LINGO2: variants seen among roughly 807,000 people sequenced by gnomAD.
LINGO2 encodes the protein leucine-rich repeat and immunoglobulin-like domain-containing nogo receptor-interacting protein 2.
In LINGO2, 14 loss-of-function variants were observed where a neutral mutation model predicts 30.6. The ratio of observed to expected loss-of-function variants is 0.46; its 90% CI spans 0.30 to 0.72. The LOEUF is 0.72. Ranked by LOEUF, LINGO2 falls within the 30% of genes least tolerant of loss-of-function variation. The probability of loss-of-function intolerance (pLI) is 0.07; values close to 1 mark genes in which losing one functional copy is unlikely to be tolerated. For synonymous variants in LINGO2, 317 were observed against 288.5 expected, an observed-to-expected ratio of 1.10 and a Z score of -1.00; for missense variants, 729 against 751.7, an observed-to-expected ratio of 0.97 and a Z score of 0.35.
Position 27,962,162 on chromosome 9 carries a change from A to G in LINGO2, c.-35-11456T>C, listed in dbSNP as rs114113754. Among the ~76,000 whole-genome samples, 289 of 152,278 alleles carry G rather than the reference A, an allele frequency of 1.9e-3. 2 individuals carry two copies. The highest frequency in any genetic ancestry group is 6.6e-3 in the African/African-American group (273 of 41,564). ...ATAAAAGTTTTATGATGTACTTCAT[A>G]CTTTCCAGTTCGTTTTTGAATTGAC... On this transcript the variant is annotated intron_variant, in intron 5 of 5. Coordinates refer to ENST00000379992, the Ensembl canonical transcript of LINGO2.
chr9:29,152,235 T>C, the LINGO2 span, among the ~76,000 whole-genome samples: 5 of 152,152 alleles, frequency 3.3e-5, no homozygotes, highest in African/African-American at 1.2e-4. Flanking sequence ...GTTCAGCCAC[T>C]AAGGAAAGCC....
chr9:28,331,237 A>G (rs1825407254), intron 3 of LINGO2, among the ~76,000 whole-genome samples: 1 of 152,094 alleles, frequency 6.6e-6, no homozygotes, highest in African/African-American at 2.4e-5. Context: ...CAGTCTCATA[A>G]TTTGTGGCCA....
chr9:28,305,324 T>A (rs1564109052), intron 3 of LINGO2, among the ~76,000 whole-genome samples: 1 of 152,020 alleles, frequency 6.6e-6, no homozygotes, highest in Non-Finnish European at 1.5e-5. Flanking sequence ...GGCAAGGATG[T>A]CAGCTCCCAT....
the LINGO2 span, among the ~76,000 whole-genome samples, chr9:29,098,451 ACACACACACACACATATGCG>A: frequency 6.7e-6 from 1 of 149,358 alleles, no homozygotes; most frequent in East Asian, 2.0e-4. Context: ...TGAGGGATAC[ACACACACACACACATATGCG>A]CACACACACA....
intron 4 of LINGO2, among the ~76,000 whole-genome samples, chr9:28,201,763 C>T (rs1017998567): frequency 6.6e-6 from 1 of 151,914 alleles, no homozygotes; most frequent in African/African-American, 2.4e-5. Context: ...TCCTTTCCCC[C>T]CACATCCTTT....
chr9:28,801,728 AC>A, the LINGO2 span, among the ~76,000 whole-genome samples: 2 of 152,090 alleles, frequency 1.3e-5, no homozygotes, highest in South Asian at 4.1e-4. Flanking sequence ...GAATAAAAAA[AC>A]TGTGATACAC....
At chr9:28,800,968 A>G in the LINGO2 span, among the ~76,000 whole-genome samples, 1 of 152,106 alleles carries the variant, frequency 6.6e-6, no homozygotes. Context: ...CCATGCTGTA[A>G]GGTTGAGCAA....
At chr9:28,229,819 CTAATA>C (rs781751825) in intron 4 of LINGO2, among the ~76,000 whole-genome samples, 2 of 151,696 alleles carry the variant, frequency 1.3e-5, no homozygotes, top group Non-Finnish European at 1.5e-5. Flanking sequence ...TTGTTCCCTC[CTAATA>C]AATAATTCAC....
At chr9:29,173,942 G>T in the LINGO2 span, among the ~76,000 whole-genome samples, 1 of 152,026 alleles carries the variant, frequency 6.6e-6, no homozygotes, top group African/African-American at 2.4e-5. Flanking sequence ...ATTCTTTCAA[G>T]AATATTTTTC....
At chr9:28,743,973 C>T in the LINGO2 span, among the ~76,000 whole-genome samples, 1 of 151,514 alleles carries the variant, frequency 6.6e-6, no homozygotes, top group Admixed American at 6.6e-5. Flanking sequence ...CCCCATTTCT[C>T]TACTGCTTTG....
chr9:28,865,771 G>A, the LINGO2 span, among the ~76,000 whole-genome samples: 12 of 152,048 alleles, frequency 7.9e-5, no homozygotes, highest in Non-Finnish European at 4.4e-5. Flanking sequence ...GTGACAGGGA[G>A]AGGCTCTGTC....
At chr9:29,041,307 T>C in the LINGO2 span, among the ~76,000 whole-genome samples, 3 of 151,826 alleles carry the variant, frequency 2.0e-5, no homozygotes, top group Admixed American at 1.3e-4. Flanking sequence ...CAAGGAAGGG[T>C]TTTTGGACAC....
At chr9:28,098,818 G>T (rs1412486874) in intron 4 of LINGO2, among the ~76,000 whole-genome samples, 5 of 152,150 alleles carry the variant, frequency 3.3e-5, no homozygotes, top group African/African-American at 4.8e-5. Flanking sequence ...CTTGACAGGG[G>T]TCCACAGCTT....
At chr9:28,730,171 A>T in the LINGO2 span, among the ~76,000 whole-genome samples, 1 of 152,158 alleles carries the variant, frequency 6.6e-6, no homozygotes, top group African/African-American at 2.4e-5. Flanking sequence ...ATCAAGAAAC[A>T]GGGCAATAAA....
intron 2 of LINGO2, among the ~76,000 whole-genome samples, chr9:28,441,683 C>T (rs1017898883): frequency 4.6e-5 from 7 of 152,078 alleles, no homozygotes; most frequent in African/African-American, 1.2e-4. Flanking sequence ...ATAGTTACCA[C>T]GCTTTTCATA....
In LINGO2 at chr9:28,210,888, C is replaced by T. The variant is rs1338786454; in HGVS notation, c.-87+84320G>A. On this transcript the variant is annotated intron_variant, in intron 4 of 5. Coordinates refer to ENST00000379992, the Ensembl canonical transcript of LINGO2. ...CACATAACCAAGAGAGGAACATTAG[C>T]TCCAGAAAGACTATCATGAAGCCTA... Among the ~76,000 whole-genome samples, 3 of 151,500 alleles carry T rather than the reference C, an allele frequency of 2.0e-5. No individual in the cohort carries two copies. The East Asian group carries it at 5.8e-4, about 29-fold the overall frequency.
At chr9:28,685,824 T>C in the LINGO2 span, among the ~76,000 whole-genome samples, 2 of 152,150 alleles carry the variant, frequency 1.3e-5, no homozygotes, top group African/African-American at 4.8e-5. Context: ...AGTCTAGACA[T>C]ACGTATTTCC....
At chr9:28,213,413 TCAAA>T (rs1299615544) in intron 4 of LINGO2, among the ~76,000 whole-genome samples, 10 of 151,342 alleles carry the variant, frequency 6.6e-5, no homozygotes, top group Non-Finnish European at 1.2e-4. Flanking sequence ...GCCAGAGTGA[TCAAA>T]CAATTTCAAG....
At chr9:27,953,276 T>C (rs1263575673) in intron 5 of LINGO2, among the ~76,000 whole-genome samples, 2 of 152,190 alleles carry the variant, frequency 1.3e-5, no homozygotes, top group African/African-American at 4.8e-5. Flanking sequence ...TTTGACTTTT[T>C]TTCCTATTTC....
Sources: allele counts gnomAD v4.1 joint callset (sites outside exome capture counted in the v4.1 genomes callset), GRCh38; gene constraint gnomAD v4.1.1; transcripts MANE v1.5; gene names NCBI Gene and HGNC (gene_info 2026-07-23, HGNC 2026-07-21).